The following PKP3 variants were observed in gnomAD, a reference collection of about 807,000 sequenced individuals.
PKP3 encodes plakophilin 3.
In PKP3, 66 loss-of-function variants were observed where a neutral mutation model predicts 76.5. The ratio of observed to expected loss-of-function variants is 0.86; its 90% CI spans 0.71 to 1.06. The LOEUF is 1.06. PKP3 is among the 50% of genes least tolerant of loss of function. PKP3 has a pLI of 0.00. For missense variants in PKP3, 1,338 were observed against 1,141.0 expected (o/e 1.17, Z -2.49); for synonymous variants, 638 against 516.5 (o/e 1.24, Z -3.19).
Position 403,389 on chromosome 11 carries a change from G to A in PKP3, c.1923+126G>A, listed in dbSNP as rs564955463. The stretch of plus-strand genomic sequence containing the variant: ...GGTCCGCGGAGCCTCGGAGGTCAGC[G>A]TCCCGGTGGCGCAGGCCTTGGGCCT... On this transcript the variant is annotated intron_variant, in intron 9 of 12. Coordinates refer to ENST00000331563, the MANE Select transcript of PKP3 (RefSeq NM_007183.4). 333 of 909,486 alleles carry A rather than the reference G, an allele frequency of 3.7e-4. 8 individuals are homozygous for A. In the South Asian group the frequency reaches 5.3e-3, roughly 15 times the overall value. The allele number at this position is 909,486 out of a possible 1,614,324, so 56.3% of individuals were successfully genotyped here.
rs1847046807 is a variant in PKP3, at chr11:396,536, T to C, written c.233-72T>C. The C allele has an allele frequency of 3.8e-6, 4 of 1,061,628 alleles. No individual in the cohort carries two copies. The Admixed American group carries it at 8.7e-5, about 23-fold the overall frequency. The allele number at this position is 1,061,628 out of a possible 1,614,324, so 65.8% of individuals were successfully genotyped here. Reference sequence around the variant, plus strand: ...CCTAGGGTTGCCAATAGCGATGGAGTGGTGGAGAGGAGGCAGGAGGCCAGT... The same window carrying C: ...CCTAGGGTTGCCAATAGCGATGGAGCGGTGGAGAGGAGGCAGGAGGCCAGT... On this transcript the variant is annotated intron_variant, in intron 1 of 12. Coordinates refer to ENST00000331563, the MANE Select transcript of PKP3 (RefSeq NM_007183.4).
intron 5 of PKP3, 132 bp downstream of exon 5, chr11:399,328 C>T: frequency 3.0e-6 from 1 of 338,220 alleles, no homozygotes; most frequent in South Asian, 2.8e-5. Flanking sequence ...GCCCCCTCTG[C>T]CACCTGCCCC....
Position 404,539 on chromosome 11 carries a change from C to T in PKP3, c.2364C>T (p.Gly788=), listed in dbSNP as rs1002929758. 2 of 1,612,424 alleles carry T rather than the reference C, an allele frequency of 1.2e-6. No homozygotes were observed. The highest frequency in any genetic ancestry group is 1.3e-5 in the African/African-American group (1 of 74,910). Reference sequence around the variant, plus strand: ...TGGGCCTCTCTCCACTGTAGAAGGGCTATCGGAAGGAGGACTTCCTGGGCC... The same window carrying T: ...TGGGCCTCTCTCCACTGTAGAAGGGTTATCGGAAGGAGGACTTCCTGGGCC... ...NKLHRDFRAK[G]YRKEDFLGP The change falls in exon 13 of 13, where the codon GGC becomes GGT. Residue 788 remains glycine, a synonymous_variant. Transcript: ENST00000331563. This position sits in a 1 kb window ranked among gnomAD's most constrained non-coding sequence, Gnocchi z 4.2.
In PKP3 at chr11:394,259, G is replaced by C. The variant is rs775989349; in HGVS notation, c.-34G>C. 1.8e-5 allele frequency: 26 copies of C among 1,464,558 alleles called. 1 individual carries two copies. The South Asian group carries it at 3.3e-4, about 19-fold the overall frequency. 90.7% of individuals were successfully genotyped at this position (1,464,558 alleles called of 1,614,324 possible). On this transcript the variant is annotated 5_prime_UTR_variant, in exon 1 of 13. Transcript: ENST00000331563. ...CGTGAAGATAGTTGGGTTTGGAGGCGGCCGCCAGGCCCAGGCCCGGTGGAC... is the reference window on the plus strand; with the variant it reads ...CGTGAAGATAGTTGGGTTTGGAGGCCGCCGCCAGGCCCAGGCCCGGTGGAC...
Position 403,606 on chromosome 11 carries a change from C to G in PKP3, c.1924-12C>G, listed in dbSNP as rs1439379637. On this transcript the variant is annotated splice_polypyrimidine_tract_variant and intron_variant, in intron 9 of 12. Transcript: ENST00000331563. ...GCCTCCGGGTCACGGCTCACACCCT[C>G]CCTCCCCACAGTGGGCGGGGGTGCT... 6.2e-7 allele frequency: 1 copy of G among 1,601,712 alleles called. No individual in the cohort carries two copies. Among genetic ancestry groups the G allele is most frequent in the Non-Finnish European group, 8.5e-7 (1 of 1,178,962 alleles).
At chr11:397,503 C>T in intron 3 of PKP3, 36 bp from the exon 4 acceptor site, 1 of 1,611,778 alleles carries the variant, frequency 6.2e-7, no homozygotes, top group East Asian at 2.2e-5. Flanking sequence ...AGCCTGAACC[C>T]AAAGTTAGCC....
At chr11:394,672 T>C in intron 1 of PKP3, 148 bp downstream of exon 1, 2 of 654,350 alleles carry the variant, frequency 3.1e-6, no homozygotes, top group Non-Finnish European at 4.6e-6. Context: ...CCCAGGGGCG[T>C]GGGGAGAAGC....
intron 1 of PKP3, 87 bp from the exon 2 acceptor site, chr11:396,521 C>T (rs1847046606): frequency 3.2e-6 from 3 of 937,896 alleles, no homozygotes; most frequent in Non-Finnish European, 4.8e-6. Context: ...CCTAGGGTTG[C>T]CAATAGCGAT....
rs775829492 is a variant in PKP3, at chr11:404,378, C to G, written c.2358+55C>G. 1.2e-4 allele frequency: 188 copies of G among 1,531,848 alleles called. 2 individuals carry two copies. The highest frequency in any genetic ancestry group is 1.0e-3 in the Middle Eastern group (6 of 5,938). 94.9% of individuals were successfully genotyped at this position (1,531,848 alleles called of 1,614,324 possible). On this transcript the variant is annotated intron_variant, in intron 12 of 12. Transcript: ENST00000331563. This position sits in a 1 kb window ranked among gnomAD's most constrained non-coding sequence, Gnocchi z 4.2. ...GACCCGGGTGCAGGGCATGGGACGC[C>G]GGGGGAGGGTCAGTGAAGAGGCCCA...
In PKP3 at chr11:400,394, G is replaced by A. The variant is rs982229060; in HGVS notation, c.1509G>A (p.Val503=). 1.3e-6 allele frequency: 2 copies of A among 1,549,022 alleles called. No homozygotes were observed. Among genetic ancestry groups the A allele is most frequent in the South Asian group, 2.4e-5 (2 of 84,044 alleles). Residue 503 remains valine (V), a synonymous_variant, in exon 7 of 13, where the codon GTG becomes GTA. Coordinates refer to ENST00000331563, the MANE Select transcript of PKP3 (RefSeq NM_007183.4). ...AGATGCGGGAGTGCCACGGGCTGGT[G>A]GACGCCCTGGTCACCTCTATCAACC... is the stretch of plus-strand genomic sequence containing the variant. ...RQKMRECHGL[V]DALVTSINHA...
At chr11:396,764 G>A (rs371343677) in intron 2 of PKP3, 50 bp from the exon 3 acceptor site, 204 of 1,570,332 alleles carry the variant, frequency 1.3e-4, no homozygotes, top group African/African-American at 5.8e-4. Context: ...CAGCGGGCCC[G>A]GACACAGGTG....
In PKP3 at chr11:400,134, T is replaced by C. The variant is rs776079207; in HGVS notation, c.1441T>C (p.Phe481Leu). The C allele has an allele frequency of 6.4e-7, 1 of 1,557,916 alleles. No homozygotes were observed. Among genetic ancestry groups the C allele is most frequent in the South Asian group, 1.2e-5 (1 of 83,970 alleles). Residue 481 changes from phenylalanine to leucine, a missense_variant, in exon 6 of 13, where the codon TTC (phenylalanine) becomes CTC (leucine). Coordinates refer to ENST00000331563, the MANE Select transcript of PKP3 (RefSeq NM_007183.4). ...AGAGATCTTCTACAACGCCACCGGC[T>C]TCCTCAGGTGCGCCAGCCTCGGGCA... ...EAEIFYNATG[F>L]LRNLSSASQA...
rs11246148 is a variant in PKP3 at position 404,468 on chromosome 11, G to A, written c.2359-66G>A. 309,060 of 1,555,968 alleles carry A rather than the reference G, an allele frequency of 0.2. 37,902 individuals carry two copies. Among genetic ancestry groups the A allele is most frequent in the East Asian group, 0.63 (27,866 of 44,546 alleles). On this transcript the variant is annotated intron_variant, in intron 12 of 12. Transcript: ENST00000331563. The surrounding 1 kb of genome is among the most constrained non-coding windows in gnomAD (Gnocchi z 4.2). Reference sequence around the variant, plus strand: ...GGGCCACACCCAGCACACTGCAGGAGGGACAGCGGGCAGAGGGCCACATGG... The same window carrying A: ...GGGCCACACCCAGCACACTGCAGGAAGGACAGCGGGCAGAGGGCCACATGG...
In PKP3 at chr11:403,224, C is replaced by A. The variant is rs574148714; in HGVS notation, c.1884C>A (p.Ala628=). 2 of 1,588,384 alleles carry A rather than the reference C, an allele frequency of 1.3e-6. No homozygotes were observed. The highest frequency in any genetic ancestry group is 1.7e-6 in the Non-Finnish European group (2 of 1,170,462). ...CELNRHTTEA[A]AGALQNITAG... ...TCAACCGGCACACGACGGAGGCGGC[C>A]GCCGGGGCGCTGCAGAACATCACGG... is the stretch of plus-strand genomic sequence containing the variant. The change falls in exon 9 of 13, where the codon GCC becomes GCA. Residue 628 remains alanine (A), a synonymous_variant. Coordinates refer to ENST00000331563, the MANE Select transcript of PKP3 (RefSeq NM_007183.4).
rs1847048189 is a variant in PKP3, at chr11:396,630, C to T, written c.255C>T (p.His85=). ...TARGTSRGQY[H]TLQAGFSSRS... Reference sequence around the variant, plus strand: ...CAGGCACATCCAGGGGGCAGTACCACACCCTGCAGGCTGGCTTCAGCTCTC... The same window carrying T: ...CAGGCACATCCAGGGGGCAGTACCATACCCTGCAGGCTGGCTTCAGCTCTC... Residue 85 remains histidine, a synonymous_variant, in exon 2 of 13, where the codon CAC becomes CAT. Transcript: ENST00000331563. 1.9e-6 allele frequency: 3 copies of T among 1,610,234 alleles called. No homozygotes were observed. In the African/African-American group the frequency reaches 4.0e-5, roughly 22 times the overall value.
upstream of PKP3, among the ~76,000 whole-genome samples, chr11:393,253 C>CG (rs1846998986): frequency 1.3e-5 from 2 of 151,836 alleles, no homozygotes; most frequent in Non-Finnish European, 2.9e-5. Context: ...CCACCCCCAC[C>CG]AGGGGCCCCC....
intron 8 of PKP3, 118 bp downstream of exon 8, chr11:400,823 C>G (rs1847145732): frequency 3.0e-6 from 1 of 331,252 alleles, no homozygotes; most frequent in Non-Finnish European, 4.3e-6. Context: ...CCCGCTCACC[C>G]CGGACCCCGC....
rs1442366558 is a variant in PKP3 at position 394,338 on chromosome 11, G to A, written c.46G>A (p.Gly16Ser). 9.2e-6 allele frequency: 14 copies of A among 1,514,658 alleles called. No individual in the cohort carries two copies. In the East Asian group the frequency reaches 1.1e-4, roughly 11 times the overall value. The allele number at this position is 1,514,658 out of a possible 1,614,324, so 93.8% of individuals were successfully genotyped here. A position where few individuals can be genotyped will look rare whatever the true frequency, so the allele number is the denominator to read the frequency against. Residue 16 changes from glycine (G) to serine (S), a missense_variant, in exon 1 of 13, where the codon GGC (glycine) becomes AGC (serine). Coordinates refer to ENST00000331563, the MANE Select transcript of PKP3 (RefSeq NM_007183.4). ...FLLSALQPEA[G>S]VCSLALPSDL... ...GCTGTCGGCCCTGCAGCCTGAGGCCGGCGTGTGCTCCCTGGCGCTGCCCTC... is the reference window on the plus strand; with the variant it reads ...GCTGTCGGCCCTGCAGCCTGAGGCCAGCGTGTGCTCCCTGGCGCTGCCCTC...
Position 394,388 on chromosome 11 carries a change from C to A in PKP3, c.96C>A (p.Gly32=). The change falls in exon 1 of 13, where the codon GGC becomes GGA. Residue 32 remains glycine (G), a synonymous_variant. Coordinates refer to ENST00000331563, the MANE Select transcript of PKP3 (RefSeq NM_007183.4). ...LPSDLQLDRR[G]AEGPEAERLR... ...CTGACCTGCAGCTGGACCGCCGGGG[C>A]GCCGAGGGGCCGGAGGCCGAGCGGC... The A allele has an allele frequency of 6.7e-7, 1 of 1,489,956 alleles. No individual in the cohort carries two copies. Among genetic ancestry groups the A allele is most frequent in the Non-Finnish European group, 8.9e-7 (1 of 1,127,818 alleles). The allele number at this position is 1,489,956 out of a possible 1,614,324, so 92.3% of individuals were successfully genotyped here. A position where few individuals can be genotyped will look rare whatever the true frequency, so the allele number is the denominator to read the frequency against.
Sources: allele counts gnomAD v4.1 joint callset (sites outside exome capture counted in the v4.1 genomes callset), GRCh38; gene constraint gnomAD v4.1.1; non-coding constraint Gnocchi (gnomAD v3.1); transcripts MANE v1.5; gene names NCBI Gene and HGNC (gene_info 2026-07-23, HGNC 2026-07-21).